Variants in SLC36A1 observed in about 807,000 individuals in gnomAD.
SLC36A1 encodes proton-coupled amino acid transporter 1.
A neutral mutation model predicts 47.5 loss-of-function variants in SLC36A1; 30 were observed. That is an observed-to-expected ratio of 0.63 (90% CI 0.47 to 0.86). The LOEUF is 0.86. SLC36A1 is among the 40% of genes least tolerant of loss of function. The probability of loss-of-function intolerance (pLI) is 0.00; values close to 1 mark genes in which losing one functional copy is unlikely to be tolerated. For missense variants in SLC36A1, 517 were observed against 606.0 expected, an observed-to-expected ratio of 0.85 and a Z score of 1.54; for synonymous variants, 255 against 249.7, an observed-to-expected ratio of 1.02 and a Z score of -0.20.
the SLC36A1 span, among the ~76,000 whole-genome samples, chr5:151,387,394 T>C: frequency 1.3e-5 from 2 of 152,078 alleles, no homozygotes; most frequent in Admixed American, 6.5e-5. Flanking sequence ...CTAGAGAACA[T>C]AGCAAGGTGC....
the SLC36A1 span, among the ~76,000 whole-genome samples, chr5:151,550,196 C>T: frequency 2.0e-5 from 3 of 152,172 alleles, no homozygotes; most frequent in African/African-American, 7.2e-5. Flanking sequence ...AGAGTGAGCC[C>T]TCCTTACATT....
At chr5:151,468,741 A>T (rs1402770453) in intron 7 of SLC36A1, among the ~76,000 whole-genome samples, 2 of 152,038 alleles carry the variant, frequency 1.3e-5, no homozygotes, top group Admixed American at 1.3e-4. Context: ...GACTTTTTTC[A>T]ATTAGATGGT....
chr5:151,389,275 C>T, the SLC36A1 span, among the ~76,000 whole-genome samples: 1 of 151,432 alleles, frequency 6.6e-6, no homozygotes, highest in Non-Finnish European at 1.5e-5. Context: ...ATGTGCTGTT[C>T]CCTCTGCTAA....
chr5:151,435,919 A>C (rs1759747604), upstream of SLC36A1, among the ~76,000 whole-genome samples: 1 of 152,086 alleles, frequency 6.6e-6, no homozygotes, highest in Non-Finnish European at 1.5e-5. Flanking sequence ...AGAATGCAGA[A>C]AGTTTAAAGT....
the SLC36A1 span, among the ~76,000 whole-genome samples, chr5:151,540,306 A>G: frequency 6.6e-6 from 1 of 152,108 alleles, no homozygotes; most frequent in Non-Finnish European, 1.5e-5. Flanking sequence ...AGGTGAGGTC[A>G]GTGATGGCCA....
chr5:151,468,266 A>AAAAAAATAT (rs55642458), intron 7 of SLC36A1, among the ~76,000 whole-genome samples: 18 of 63,812 alleles, frequency 2.8e-4, no homozygotes, highest in African/African-American at 1.6e-3. Context: ...AAAAAAAAAA[A>AAAAAAATAT]ATATATATAT....
the SLC36A1 span, among the ~76,000 whole-genome samples, chr5:151,424,121 C>T: frequency 3.9e-5 from 6 of 152,186 alleles, no homozygotes; most frequent in Non-Finnish European, 7.3e-5. Context: ...GCTGCCTATG[C>T]CACCCTCCCT....
At chr5:151,443,444 G>A (rs569499065), upstream of SLC36A1, among the ~76,000 whole-genome samples, 3 of 152,158 alleles carry the variant, frequency 2.0e-5, no homozygotes, top group South Asian at 6.2e-4. Context: ...TTTTTCATAT[G>A]CTCACTGAGC....
chr5:151,474,178 A>AAAAAAAAAAGAG lies in SLC36A1; in HGVS notation c.822+408_822+409insAAAAAAAAGAGA, dbSNP rs776318482. ...CTGTCTCAAAAAAAAAAAAAAAAAA[A>AAAAAAAAAAGAG]AGAAATTATCTTCTGTAACTCACTG... On this transcript the variant is annotated intron_variant, in intron 8 of 10. Transcript: ENST00000243389. Among the ~76,000 whole-genome samples the AAAAAAAAAAGAG allele has an allele frequency of 1.5e-3, 176 of 118,972 alleles. 1 individual carries two copies. The highest frequency in any genetic ancestry group is 8.4e-3 in the East Asian group (33 of 3,910). The allele number at this position is 118,972 out of a possible 152,430, so 78.1% of individuals were successfully genotyped here. A position where few individuals can be genotyped will look rare whatever the true frequency, so the allele number is the denominator to read the frequency against.
the SLC36A1 span, among the ~76,000 whole-genome samples, chr5:151,352,662 T>C: frequency 6.6e-6 from 1 of 152,208 alleles, no homozygotes; most frequent in Non-Finnish European, 1.5e-5. Context: ...GTTGTTCTTC[T>C]TCCTAGCTTC....
chr5:151,509,082 T>C, the SLC36A1 span, among the ~76,000 whole-genome samples: 4 of 152,158 alleles, frequency 2.6e-5, no homozygotes, highest in South Asian at 8.3e-4. Context: ...CCCCACACAG[T>C]ATGAGGCACA....
intron 7 of SLC36A1, among the ~76,000 whole-genome samples, chr5:151,468,406 TATATA>T (rs1167638271): frequency 6.9e-6 from 1 of 145,100 alleles, no homozygotes; most frequent in Non-Finnish European, 1.5e-5. Flanking sequence ...TAATATATAT[TATATA>T]ATGTATGTAA....
At chr5:151,405,756 T>C in the SLC36A1 span, among the ~76,000 whole-genome samples, 1 of 152,192 alleles carries the variant, frequency 6.6e-6, no homozygotes, top group African/African-American at 2.4e-5. Flanking sequence ...TGTTCTTTTT[T>C]ACTTTTGGGG....
the SLC36A1 span, among the ~76,000 whole-genome samples, chr5:151,376,262 T>G: frequency 6.6e-6 from 1 of 152,232 alleles, no homozygotes; most frequent in Non-Finnish European, 1.5e-5. Context: ...CATATTGTTT[T>G]TGTCCTTAAT....
chr5:151,499,506 T>C, the SLC36A1 span, among the ~76,000 whole-genome samples: 1 of 152,202 alleles, frequency 6.6e-6, no homozygotes, highest in African/African-American at 2.4e-5. Flanking sequence ...GCCCTCTAGC[T>C]CTTTTAGAAT....
downstream of SLC36A1, among the ~76,000 whole-genome samples, chr5:151,496,290 T>C (rs910516208): frequency 1.3e-5 from 2 of 152,212 alleles, no homozygotes; most frequent in Non-Finnish European, 2.9e-5. Context: ...CCGCCGCGAT[T>C]GTGAGGCCTC....
Position 151,479,328 on chromosome 5 carries a change from A to G in SLC36A1, c.998A>G (p.Gln333Arg). ...CCTGTCTGTTTCGGCAGGTTGTACC[A>G]GTCAGTTAAGCTGCTGTACTCCATC... ...TLNLPNCWLYQSVKLLYSIGI... is the reference protein window; with the variant it reads ...TLNLPNCWLYRSVKLLYSIGI... The change falls in exon 10 of 11, where the codon CAG becomes CGG. Residue 333 changes from glutamine to arginine, a missense_variant. Physicochemically the swap from Gln to Arg is conservative, Grantham distance 43 (BLOSUM62 1). Coordinates refer to ENST00000243389, the MANE Select transcript of SLC36A1 (RefSeq NM_078483.4). 1.2e-6 allele frequency: 2 copies of G among 1,614,130 alleles called. No homozygotes were observed. The highest frequency in any genetic ancestry group is 1.7e-6 in the Non-Finnish European group (2 of 1,179,970).
the SLC36A1 span, chr5:151,553,143 G>A: frequency 6.3e-7 from 1 of 1,595,918 alleles, no homozygotes; most frequent in Non-Finnish European, 8.6e-7. Flanking sequence ...GATGGGAGGG[G>A]TTGGCCCTTG....
chr5:151,528,211 C>T, the SLC36A1 span: 3 of 1,546,938 alleles, frequency 1.9e-6, no homozygotes, highest in Non-Finnish European at 1.8e-6. Flanking sequence ...ACAGATATGT[C>T]CCTGCCCCAG....
Sources: allele counts gnomAD v4.1 joint callset (sites outside exome capture counted in the v4.1 genomes callset), GRCh38; gene constraint gnomAD v4.1.1; transcripts MANE v1.5; gene names NCBI Gene and HGNC (gene_info 2026-07-23, HGNC 2026-07-21).